The following GRIPAP1 variants were observed in gnomAD, a reference collection of about 807,000 sequenced individuals.
GRIPAP1 encodes GRIP1 associated protein 1.
Under a neutral mutation model 84.1 loss-of-function variants are expected in GRIPAP1, and 14 were observed. That is an observed-to-expected ratio of 0.17 (90% CI 0.11 to 0.26). The LOEUF (loss-of-function observed/expected upper bound fraction) is 0.26. Ranked by LOEUF, GRIPAP1 falls within the 10% of genes least tolerant of loss-of-function variation. The probability of loss-of-function intolerance (pLI) is 1.00; values close to 1 mark genes in which losing one functional copy is unlikely to be tolerated. For synonymous variants in GRIPAP1, 261 were observed against 256.8 expected (o/e 1.02, Z -0.15); for missense variants, 518 against 674.2 (o/e 0.77, Z 2.57).
At chrX:48,978,241 G>C (rs377560892) in intron 22 of GRIPAP1, 64 bp downstream of exon 22, 1 of 1,147,933 alleles carries the variant, frequency 8.7e-7, no homozygotes. Context: ...GGAGAAAAGG[G>C]GAGGGGTTCT....
At chrX:49,001,422 T>C (rs782795637) in intron 1 of GRIPAP1, among the ~76,000 whole-genome samples, 2 of 101,738 alleles carry the variant, frequency 2.0e-5, no homozygotes, top group Non-Finnish European at 4.0e-5. Flanking sequence ...TGGCCTTTCA[T>C]TGCATCTCAG....
intron 25 of GRIPAP1, 25 bp downstream of exon 25, chrX:48,975,130 G>A (rs782775655): frequency 8.4e-7 from 1 of 1,196,662 alleles, no homozygotes; most frequent in South Asian, 1.8e-5. Context: ...GTGAACAGAT[G>A]GGTAGGCTGG....
chrX:48,989,624 T>G lies in GRIPAP1; in HGVS notation c.857A>C (p.Glu286Ala). Residue 286 changes from glutamate (E) to alanine (A), a missense_variant, in exon 11 of 26, where the codon GAG (glutamate) becomes GCG (alanine). Transcript: ENST00000376423. Reference protein sequence around the residue: ...ARTQKLQQELEAANQSLAELR... With the variant: ...ARTQKLQQELAAANQSLAELR... ...AGTCCCCATCACCTGATTGGCAGCC[T>G]CAAGTTCCTGCTGCAGCTTCTGGGT... 1 of 1,194,025 alleles carries G rather than the reference T, an allele frequency of 8.4e-7. No individual in the cohort carries two copies. The highest frequency in any genetic ancestry group is 1.7e-5 in the African/African-American group (1 of 57,444).
chrX:48,998,085 A>G (rs1040976088), intron 4 of GRIPAP1, 69 bp downstream of exon 4: 1 of 784,837 alleles, frequency 1.3e-6, no homozygotes, highest in South Asian at 2.1e-5. Flanking sequence ...GTACAAGGAA[A>G]TATCAGCATA....
At chrX:48,979,442 A>G (rs1360877592) in intron 21 of GRIPAP1, among the ~76,000 whole-genome samples, 9 of 68,210 alleles carry the variant, frequency 1.3e-4, no homozygotes, top group African/African-American at 5.3e-4. Context: ...GCGCCACTGC[A>G]CTCCAGCCTG....
chrX:48,998,406 A>C (rs1243157264), intron 3 of GRIPAP1, among the ~76,000 whole-genome samples: 1 of 112,431 alleles, frequency 8.9e-6, no homozygotes, highest in Non-Finnish European at 1.9e-5. Context: ...CTGGGGCCCC[A>C]GCACACATAA....
chrX:48,980,103 A>G (rs1478311610), intron 21 of GRIPAP1, among the ~76,000 whole-genome samples: 1 of 110,606 alleles, frequency 9.0e-6, no homozygotes, highest in Non-Finnish European at 1.9e-5. Context: ...GTGGGGGAAT[A>G]AGGGACCAAG....
intron 13 of GRIPAP1, among the ~76,000 whole-genome samples, chrX:48,987,442 C>CTTTTTTTTTTTTT (rs782089098): frequency 1.2e-5 from 1 of 83,183 alleles, no homozygotes; most frequent in Non-Finnish European, 2.4e-5. Flanking sequence ...CCACCACGCC[C>CTTTTTTTTTTTTT]TTTTTTTTTT....
intron 22 of GRIPAP1, among the ~76,000 whole-genome samples, chrX:48,976,585 A>G (rs2064423906): frequency 8.9e-6 from 1 of 111,857 alleles, no homozygotes; most frequent in African/African-American, 3.3e-5. Context: ...AGAGGATTGA[A>G]GGAAGATCCC....
In GRIPAP1 at chrX:48,975,000, G is replaced by C. The variant is rs782035968; in HGVS notation, c.2433+155C>G. Among the ~76,000 whole-genome samples the C allele has an allele frequency of 7.3e-5, 8 of 109,651 alleles. No homozygotes were observed. The East Asian group carries it at 2.3e-3, about 32-fold the overall frequency. ...AAGTTGATGAGAGGGTGGAAGATGA[G>C]AGCATGATGGAGTAGTTGATGAGTG... On this transcript the variant is annotated intron_variant, in intron 25 of 25. Coordinates refer to ENST00000376423, the MANE Select transcript of GRIPAP1 (RefSeq NM_020137.5).
chrX:48,984,971 G>A (rs782554943), intron 14 of GRIPAP1, among the ~76,000 whole-genome samples: 251 of 110,577 alleles, frequency 2.3e-3, no homozygotes, highest in Non-Finnish European at 2.7e-3. Context: ...GCAGTGAGCC[G>A]AGATCACGCC....
intron 24 of GRIPAP1, 70 bp downstream of exon 24, chrX:48,975,948 A>G: frequency 1.1e-6 from 1 of 895,076 alleles, no homozygotes; most frequent in Non-Finnish European, 1.6e-6. Flanking sequence ...GAGAAGCCGC[A>G]GCACAGAATG....
intron 1 of GRIPAP1, 81 bp from the exon 2 acceptor site, chrX:48,999,585 T>A: frequency 1.5e-6 from 1 of 652,235 alleles, no homozygotes; most frequent in Non-Finnish European, 2.5e-6. Context: ...GCCCCTAAGC[T>A]CCACAGACCT....
rs1276236863 is a variant in GRIPAP1 at position 48,981,818 on chromosome X, C to T, written c.1654G>A (p.Glu552Lys). The T allele has an allele frequency of 6.8e-6, 8 of 1,172,692 alleles. No homozygotes were observed. The highest frequency in any genetic ancestry group is 9.2e-6 in the Non-Finnish European group (8 of 874,073). Residue 552 changes from glutamate to lysine, a missense_variant, in exon 18 of 26, where the codon GAG becomes AAG. Coordinates refer to ENST00000376423, the MANE Select transcript of GRIPAP1 (RefSeq NM_020137.5). ...ACCTTCAGCTCGGCAGCGTGCTGCT[C>T]CCGACACTGCTTGAGGGCTTCCTCT... ...EQEEALKQCR[E>K]QHAAELKGKE...
At chrX:48,999,136 T>G (rs1557067607) in intron 3 of GRIPAP1, 102 bp downstream of exon 3, 4 of 524,209 alleles carry the variant, frequency 7.6e-6, no homozygotes, top group African/African-American at 7.0e-5. Flanking sequence ...GCATGCAACA[T>G]TAGGTCTGGT....
At chrX:48,985,507 G>A in intron 13 of GRIPAP1, 105 bp from the exon 14 acceptor site, 1 of 643,402 alleles carries the variant, frequency 1.6e-6, no homozygotes, top group South Asian at 2.6e-5. Context: ...GAGGTGGGAA[G>A]AGAACCAGGA....
At chrX:48,987,442 C>CTTTTTTTT (rs782089098) in intron 13 of GRIPAP1, among the ~76,000 whole-genome samples, 1 of 83,183 alleles carries the variant, frequency 1.2e-5, no homozygotes, top group Non-Finnish European at 2.4e-5. Flanking sequence ...CCACCACGCC[C>CTTTTTTTT]TTTTTTTTTT....
rs1210409556 is a variant in GRIPAP1 at position 48,991,113 on chromosome X, G to A, written c.458-3C>T. On this transcript the variant is annotated splice_region_variant and splice_polypyrimidine_tract_variant and intron_variant, in intron 6 of 25. Transcript: ENST00000376423. ...TTTCCCATAGCGTTCCTGCAGGGCT[G>A]GTGAGTAGAACAGGGATATATGATG... The A allele has an allele frequency of 2.6e-5, 31 of 1,171,523 alleles. No individual in the cohort carries two copies. Among genetic ancestry groups the A allele is most frequent in the Non-Finnish European group, 3.0e-5 (26 of 859,604 alleles).
chrX:48,990,352 T>C (rs1557065116), intron 8 of GRIPAP1, among the ~76,000 whole-genome samples: 1 of 112,161 alleles, frequency 8.9e-6, no homozygotes, highest in Non-Finnish European at 1.9e-5. Context: ...GAAAGCAGGA[T>C]ATCATGACTG....
Sources: allele counts gnomAD v4.1 joint callset (sites outside exome capture counted in the v4.1 genomes callset), GRCh38; gene constraint gnomAD v4.1.1; transcripts MANE v1.5; gene names NCBI Gene and HGNC (gene_info 2026-07-23, HGNC 2026-07-21).